DOK5: variants seen among roughly 807,000 people sequenced by gnomAD.
DOK5 encodes downstream of tyrosine kinase 5.
A neutral mutation model predicts 43.3 loss-of-function variants in DOK5; 27 were observed. The observed-to-expected ratio is 0.62, with a 90% CI of 0.46 to 0.86. The LOEUF (loss-of-function observed/expected upper bound fraction) is 0.86, where lower values mean the gene tolerates loss of function less well. Ranked by LOEUF, DOK5 falls within the 40% of genes least tolerant of loss-of-function variation. DOK5 has a pLI of 0.00. For missense variants in DOK5, 373 were observed against 392.9 expected (o/e 0.95, Z 0.43); for synonymous variants, 146 against 140.1 (o/e 1.04, Z -0.30).
At chr20:54,609,623 T>A (rs1276667351) in intron 5 of DOK5, among the ~76,000 whole-genome samples, 2 of 152,046 alleles carry the variant, frequency 1.3e-5, no homozygotes, top group Non-Finnish European at 2.9e-5. Flanking sequence ...TAAAATATAT[T>A]TAAGTAAAAA....
At chr20:54,640,450 C>T (rs1979055860) in intron 6 of DOK5, among the ~76,000 whole-genome samples, 1 of 152,204 alleles carries the variant, frequency 6.6e-6, no homozygotes, top group Admixed American at 6.5e-5. Flanking sequence ...TGGATTCTCA[C>T]CAAATGACTT....
intron 5 of DOK5, among the ~76,000 whole-genome samples, chr20:54,610,132 A>G (rs537726865): frequency 6.7e-6 from 1 of 149,338 alleles, no homozygotes; most frequent in Non-Finnish European, 1.5e-5. Context: ...GCTTTTTTTT[A>G]AAAAAAATTT....
intron 1 of DOK5, among the ~76,000 whole-genome samples, chr20:54,514,530 T>TATTG (rs1030942470): frequency 4.6e-5 from 7 of 151,778 alleles, no homozygotes; most frequent in African/African-American, 1.7e-4. Context: ...TTTTAATATA[T>TATTG]ATTGAGGGTT....
intron 1 of DOK5, among the ~76,000 whole-genome samples, chr20:54,510,412 G>T (rs1489151197): frequency 6.6e-6 from 1 of 152,064 alleles, no homozygotes; most frequent in South Asian, 2.1e-4. Context: ...TAGATTTAAA[G>T]AGAGAAGAAA....
At chr20:54,536,521 TGGA>T (rs1983968041) in intron 1 of DOK5, among the ~76,000 whole-genome samples, 1 of 152,048 alleles carries the variant, frequency 6.6e-6, no homozygotes, top group African/African-American at 2.4e-5. Context: ...CTCTGAAAGG[TGGA>T]GAGAAGAAGT....
intron 1 of DOK5, among the ~76,000 whole-genome samples, chr20:54,493,462 A>G (rs1320118496): frequency 1.3e-5 from 2 of 152,148 alleles, no homozygotes; most frequent in African/African-American, 4.8e-5. Context: ...AATCCAGGAA[A>G]TCTTTTTCTG....
intron 1 of DOK5, among the ~76,000 whole-genome samples, chr20:54,486,395 T>C (rs1272177369): frequency 1.3e-5 from 2 of 151,978 alleles, no homozygotes; most frequent in Non-Finnish European, 2.9e-5. Context: ...TATGTCTGTA[T>C]TTGTAACTAT....
intron 7 of DOK5, among the ~76,000 whole-genome samples, chr20:54,644,997 C>CTTTTTTTT (rs869031533): frequency 1.2e-5 from 1 of 82,414 alleles, no homozygotes; most frequent in Non-Finnish European, 2.3e-5. Context: ...TAAAAAAACT[C>CTTTTTTTT]TTTTTTTTTT....
chr20:54,478,299 C>T (rs530031299), intron 1 of DOK5, among the ~76,000 whole-genome samples: 3 of 152,172 alleles, frequency 2.0e-5, no homozygotes, highest in Non-Finnish European at 2.9e-5. Context: ...GGATGCTGTA[C>T]GGAATTGGCA....
At chr20:54,516,314 G>A (rs1983196133) in intron 1 of DOK5, among the ~76,000 whole-genome samples, 2 of 152,118 alleles carry the variant, frequency 1.3e-5, no homozygotes. Flanking sequence ...TCAAATTGGG[G>A]TTCTAATTCA....
At chr20:54,505,375 G>A (rs76129528) in intron 1 of DOK5, among the ~76,000 whole-genome samples, 3,169 of 152,154 alleles carry the variant, frequency 0.021, 45 homozygotes, top group South Asian at 0.043. Context: ...AGACCCTGTG[G>A]CTCACAAAGC....
At chr20:54,493,116 C>T (rs961104370) in intron 1 of DOK5, among the ~76,000 whole-genome samples, 1 of 151,214 alleles carries the variant, frequency 6.6e-6, no homozygotes, top group South Asian at 2.1e-4. Flanking sequence ...TTGGCTCAAT[C>T]CCCCACTCCC....
intron 1 of DOK5, among the ~76,000 whole-genome samples, chr20:54,529,368 A>G (rs1468454548): frequency 6.6e-6 from 1 of 152,178 alleles, no homozygotes; most frequent in Admixed American, 6.5e-5. Flanking sequence ...TTTATAAATC[A>G]TGGAATTGTT....
At chr20:54,476,036 T>C (rs1773029330) in intron 1 of DOK5, 24 bp downstream of exon 1, 1 of 1,612,232 alleles carries the variant, frequency 6.2e-7, no homozygotes. Flanking sequence ...CTCTCCGTGT[T>C]GCTGTTCGCC....
At chr20:54,584,258 C>G (rs6023380) in intron 2 of DOK5, among the ~76,000 whole-genome samples, 5,865 of 151,852 alleles carry the variant, frequency 0.039, 377 homozygotes, top group African/African-American at 0.13. Context: ...ATCTTTTTCT[C>G]TTGCTGTCGT....
At chr20:54,617,120 TG>T (rs1420587332) in intron 6 of DOK5, among the ~76,000 whole-genome samples, 8 of 151,994 alleles carry the variant, frequency 5.3e-5, no homozygotes. Flanking sequence ...ACATGGTTAT[TG>T]GTGGAATTTA....
At chr20:54,518,459 C>A (rs1046463412) in intron 1 of DOK5, among the ~76,000 whole-genome samples, 1 of 152,000 alleles carries the variant, frequency 6.6e-6, no homozygotes, top group South Asian at 2.1e-4. Context: ...TGAACTCATC[C>A]TTTTTTATGG....
At chr20:54,519,489 A>G (rs1983317250) in intron 1 of DOK5, among the ~76,000 whole-genome samples, 1 of 152,228 alleles carries the variant, frequency 6.6e-6, no homozygotes, top group African/African-American at 2.4e-5. Flanking sequence ...AGGATGCAAA[A>G]GTTACTATTG....
At chr20:54,507,587 G>T (rs1400316415) in intron 1 of DOK5, among the ~76,000 whole-genome samples, 1 of 152,180 alleles carries the variant, frequency 6.6e-6, no homozygotes, top group East Asian at 1.9e-4. Flanking sequence ...TGTTGCTGAT[G>T]GTGGTTGTCA....
Sources: allele counts gnomAD v4.1 joint callset (sites outside exome capture counted in the v4.1 genomes callset), GRCh38; gene constraint gnomAD v4.1.1; transcripts MANE v1.5; gene names NCBI Gene and HGNC (gene_info 2026-07-23, HGNC 2026-07-21).